KIF14: variants seen among roughly 807,000 people sequenced by gnomAD.
KIF14 encodes kinesin-like protein KIF14.
In KIF14, 98 loss-of-function variants were observed where a neutral mutation model predicts 176.2. The ratio of observed to expected loss-of-function variants is 0.56; its 90% CI spans 0.47 to 0.66. The LOEUF (loss-of-function observed/expected upper bound fraction) is 0.66, where lower values mean the gene tolerates loss of function less well. Among genes scored for constraint, KIF14 ranks in the 30% least tolerant of loss-of-function variants. The pLI is 0.00. For missense variants in KIF14, 1,751 were observed against 1,920.4 expected (o/e 0.91, Z 1.65); for synonymous variants, 566 against 632.2 (o/e 0.90, Z 1.57).
At chr1:200,564,529 C>T (rs1378314303) in intron 25 of KIF14, among the ~76,000 whole-genome samples, 1 of 152,126 alleles carries the variant, frequency 6.6e-6, no homozygotes, top group Admixed American at 6.6e-5. Flanking sequence ...TTATCTGATA[C>T]AAGATAAGCA....
chr1:200,608,215 A>G (rs947292125), intron 5 of KIF14, among the ~76,000 whole-genome samples: 1 of 152,144 alleles, frequency 6.6e-6, no homozygotes, highest in Admixed American at 6.5e-5. Context: ...TGGCTTATAG[A>G]CTATTAGGGA....
intron 27 of KIF14, among the ~76,000 whole-genome samples, chr1:200,556,706 C>A (rs1656847961): frequency 6.6e-6 from 1 of 152,174 alleles, no homozygotes; most frequent in Non-Finnish European, 1.5e-5. Context: ...TATTCTATAC[C>A]CTTCTGCACT....
chr1:200,612,088 C>T (rs543512816), intron 4 of KIF14, among the ~76,000 whole-genome samples: 2 of 151,916 alleles, frequency 1.3e-5, no homozygotes, highest in East Asian at 1.9e-4. Context: ...GTGCAATGTC[C>T]GCCTCCAGGG....
At chr1:200,555,353 T>G (rs1238503892) in intron 28 of KIF14, 27 bp downstream of exon 28, 24 of 1,407,350 alleles carry the variant, frequency 1.7e-5, no homozygotes, top group Non-Finnish European at 2.4e-5. Flanking sequence ...ATAAGCAAAA[T>G]TAAAATCAAT....
chr1:200,581,345 A>C, intron 19 of KIF14, 51 bp from the exon 20 acceptor site: 1 of 983,680 alleles, frequency 1.0e-6, no homozygotes, highest in Non-Finnish European at 1.5e-6. Flanking sequence ...GGACACTAAC[A>C]TATACCATTA....
intron 22 of KIF14, among the ~76,000 whole-genome samples, chr1:200,573,673 T>G (rs1657951408): frequency 6.6e-6 from 1 of 152,162 alleles, no homozygotes; most frequent in East Asian, 1.9e-4. Flanking sequence ...TATTAGCAAT[T>G]TCTTACCATA....
chr1:200,580,225 T>A (rs762468172), intron 21 of KIF14, 29 bp downstream of exon 21: 1 of 1,199,414 alleles, frequency 8.3e-7, no homozygotes, highest in Non-Finnish European at 1.1e-6. Context: ...TTTTAAAAAA[T>A]TTATAGAGAT....
intron 14 of KIF14, among the ~76,000 whole-genome samples, chr1:200,597,831 C>T (rs979858490): frequency 2.6e-5 from 4 of 152,290 alleles, no homozygotes; most frequent in South Asian, 2.1e-4. Flanking sequence ...AGTTTACATA[C>T]GCTATCATTC....
intron 15 of KIF14, among the ~76,000 whole-genome samples, chr1:200,592,855 C>A (rs1305948028): frequency 2.0e-5 from 3 of 152,134 alleles, no homozygotes; most frequent in Admixed American, 2.0e-4. Flanking sequence ...CAAACCTGTA[C>A]AGCATGTTAC....
intron 18 of KIF14, 130 bp from the exon 19 acceptor site, chr1:200,586,357 A>G (rs1658736641): frequency 5.0e-6 from 3 of 605,202 alleles, no homozygotes; most frequent in East Asian, 2.9e-5. Flanking sequence ...TATATACCCC[A>G]TAACATTGTA....
intron 22 of KIF14, among the ~76,000 whole-genome samples, chr1:200,570,838 T>C (rs956052152): frequency 3.9e-5 from 6 of 152,278 alleles, no homozygotes; most frequent in African/African-American, 1.4e-4. Context: ...GGTCTACAGA[T>C]AATTTTGTCA....
chr1:200,579,244 G>A (rs1377048249), intron 21 of KIF14, among the ~76,000 whole-genome samples: 3 of 152,262 alleles, frequency 2.0e-5, no homozygotes, highest in African/African-American at 7.2e-5. Flanking sequence ...TAAGGTGAGA[G>A]GACTGCTTGA....
Position 200,559,391 on chromosome 1 carries a change from G to C in KIF14, c.4292C>G (p.Ser1431Cys). Residue 1431 changes from serine to cysteine, a missense_variant, in exon 27 of 30, where the codon TCT (serine) becomes TGT (cysteine). Coordinates refer to ENST00000367350, the MANE Select transcript of KIF14 (RefSeq NM_014875.3). ...VGLGMKILLD[S>C]GLEKAKELQH... ...AAGTTCTTTTGCTTTTTCCAGTCCA[G>C]AATCTAATAAAATCTTCATTCCTAA... The C allele has an allele frequency of 2.5e-6, 4 of 1,590,564 alleles. No homozygotes were observed. The highest frequency in any genetic ancestry group is 3.4e-6 in the Non-Finnish European group (4 of 1,167,546).
Position 200,588,333 on chromosome 1 carries a change from C to A in KIF14, c.3114+884G>T, listed in dbSNP as rs139719075. 8.0e-3 allele frequency among the ~76,000 whole-genome samples: 1,207 copies of A among 151,674 alleles called. 11 individuals carry two copies. Among genetic ancestry groups the A allele is most frequent in the African/African-American group, 0.026 (1,081 of 41,326 alleles). The stretch of plus-strand genomic sequence containing the variant: ...TCAGCTCACTGCAACCTCTGACTCT[C>A]GGGTTCAAGAGATTCTCCTACCTCA... On this transcript the variant is annotated intron_variant, in intron 18 of 29. Transcript: ENST00000367350.
At chr1:200,604,093 G>T (rs1006547024) in intron 8 of KIF14, 138 bp from the exon 9 acceptor site, 5 of 581,898 alleles carry the variant, frequency 8.6e-6, no homozygotes, top group Non-Finnish European at 1.2e-5. Context: ...TTGAGACAGG[G>T]TCTCACTCTG....
intron 6 of KIF14, among the ~76,000 whole-genome samples, chr1:200,606,179 C>CT (rs1348585908): frequency 6.6e-6 from 1 of 152,130 alleles, no homozygotes; most frequent in Non-Finnish European, 1.5e-5. Flanking sequence ...AAAAGATATA[C>CT]TTTAACACAT....
rs1453094324 is a variant in KIF14, at chr1:200,553,671, G to C, written c.4664C>G (p.Ser1555Cys). Residue 1555 changes from serine to cysteine, a missense_variant, in exon 30 of 30, where the codon TCT becomes TGT. Transcript: ENST00000367350. ...TACTCTACTCTCATAGCTGCCAACA[G>C]AAGTAGAAGGCACACTGAAGTCACT... The part of the protein sequence containing the change: ...FYSDFSVPST[S>C]VGSYESRVTH... 2 of 1,614,006 alleles carry C rather than the reference G, an allele frequency of 1.2e-6. No individual in the cohort carries two copies. Among genetic ancestry groups the C allele is most frequent in the Admixed American group, 3.3e-5 (2 of 60,014 alleles).
chr1:200,592,224 A>C lies in KIF14; in HGVS notation c.2669T>G (p.Leu890Arg), dbSNP rs1558073168. 1 of 1,613,546 alleles carries C rather than the reference A, an allele frequency of 6.2e-7. No homozygotes were observed. The highest frequency in any genetic ancestry group is 8.5e-7 in the Non-Finnish European group (1 of 1,179,842). Residue 890 changes from leucine to arginine, a missense_variant, in exon 16 of 30, where the codon CTT (leucine) becomes CGT (arginine). Coordinates refer to ENST00000367350, the MANE Select transcript of KIF14 (RefSeq NM_014875.3). ...TVLRHGDRVI[L>R]GGDHYFRFNH... ...AAATCTAAAATAATGATCTCCACCA[A>C]GAATCACTCGATCACCCTAAAGCAC...
chr1:200,563,113 A>C (rs1558047491), intron 25 of KIF14, among the ~76,000 whole-genome samples: 1 of 152,204 alleles, frequency 6.6e-6, no homozygotes, highest in Non-Finnish European at 1.5e-5. Flanking sequence ...CATTAAAAAC[A>C]ATCATCTGAT....
Sources: allele counts gnomAD v4.1 joint callset (sites outside exome capture counted in the v4.1 genomes callset), GRCh38; gene constraint gnomAD v4.1.1; transcripts MANE v1.5; gene names NCBI Gene and HGNC (gene_info 2026-07-23, HGNC 2026-07-21).